ANKRD11: variants seen among roughly 807,000 people sequenced by gnomAD.
The protein encoded by ANKRD11 is ankyrin repeat domain 11, also known as ankyrin repeat domain-containing protein 11.
ANKRD11 carries 17 observed loss-of-function variants against 195.7 expected under a neutral mutation model. That is an observed-to-expected ratio of 0.09 (90% confidence interval 0.06 to 0.13). The LOEUF (loss-of-function observed/expected upper bound fraction) is 0.13. Among genes scored for constraint, ANKRD11 ranks in the 10% least tolerant of loss-of-function variants. ANKRD11 has a pLI of 1.00. For missense variants in ANKRD11, 3,735 were observed against 3,566.1 expected (o/e 1.05, Z -1.21); for synonymous variants, 1,953 against 1,528.1 (o/e 1.28, Z -6.49).
intron 1 of ANKRD11, chr16:89,443,488 G>C (rs1039649532): frequency 2.0e-5 from 3 of 152,084 alleles, no homozygotes; most frequent in Admixed American, 2.0e-4. Context: ...GTCAGTAAGA[G>C]ACAAGAGATA....
rs1362831496 is a variant in ANKRD11 at position 89,282,984 on chromosome 16, C to G, written c.3558G>C (p.Lys1186Asn). 8.7e-6 allele frequency: 14 copies of G among 1,613,696 alleles called. No homozygotes were observed. The highest frequency in any genetic ancestry group is 1.2e-5 in the Non-Finnish European group (14 of 1,180,032). ...QKDKEPRDRRKDRGAADAGRD... is the reference protein window; with the variant it reads ...QKDKEPRDRRNDRGAADAGRD... The stretch of plus-strand genomic sequence containing the variant: ...TCCCCGCGTCGGCAGCCCCTCGGTC[C>G]TTTCTCCTGTCTCTGGGCTCCTTGT... Residue 1186 changes from lysine (K) to asparagine (N), a missense_variant, in exon 9 of 13, where the codon AAG (lysine) becomes AAC (asparagine). Transcript: ENST00000301030.
At chr16:89,297,396 G>A (rs2035509759) in intron 4 of ANKRD11, 1 of 152,200 alleles carries the variant, frequency 6.6e-6, no homozygotes, top group African/African-American at 2.4e-5. Context: ...GAACTGATGG[G>A]CAGGGCCGGG....
At chr16:89,370,057 G>A (rs1327549133) in intron 2 of ANKRD11, among the ~76,000 whole-genome samples, 1 of 152,212 alleles carries the variant, frequency 6.6e-6, no homozygotes, top group Non-Finnish European at 1.5e-5. Context: ...CAAACCTTCT[G>A]GCTTCAGAGC....
chr16:89,340,465 G>C (rs1366431941), intron 2 of ANKRD11, among the ~76,000 whole-genome samples: 1 of 152,130 alleles, frequency 6.6e-6, no homozygotes, highest in Non-Finnish European at 1.5e-5. Flanking sequence ...AGTAGAGATG[G>C]GGTTTCACAA....
At chr16:89,446,827 T>A (rs1476935137) in intron 1 of ANKRD11, among the ~76,000 whole-genome samples, 2 of 151,978 alleles carry the variant, frequency 1.3e-5, no homozygotes, top group African/African-American at 2.4e-5. Flanking sequence ...TCCGCTTCTC[T>A]CCTCCTCCAC....
intron 2 of ANKRD11, among the ~76,000 whole-genome samples, chr16:89,390,690 C>T (rs943572156): frequency 2.0e-4 from 31 of 152,064 alleles, no homozygotes; most frequent in Non-Finnish European, 3.5e-4. Context: ...CTCGGGGAAA[C>T]AGTGAGCACA....
intron 2 of ANKRD11, among the ~76,000 whole-genome samples, chr16:89,332,957 G>T (rs2038143511): frequency 6.6e-6 from 1 of 152,232 alleles, no homozygotes; most frequent in South Asian, 2.1e-4. Context: ...CAACAGAACA[G>T]CGGGGCTGCT....
chr16:89,274,597 T>C (rs2033478058), intron 11 of ANKRD11: 1 of 666,888 alleles, frequency 1.5e-6, no homozygotes, highest in Admixed American at 2.5e-5. Context: ...CTGAGGGCCT[T>C]GCCCGTGCGG....
chr16:89,450,862 A>G (rs1011466762), intron 1 of ANKRD11, among the ~76,000 whole-genome samples: 4 of 152,192 alleles, frequency 2.6e-5, no homozygotes, highest in Non-Finnish European at 4.4e-5. Context: ...TATGCCTTCC[A>G]TCAGCCATGA....
intron 2 of ANKRD11, among the ~76,000 whole-genome samples, chr16:89,403,197 G>A (rs922923561): frequency 6.6e-6 from 1 of 152,146 alleles, no homozygotes; most frequent in Non-Finnish European, 1.5e-5. Context: ...CACTCCCTAG[G>A]GCCTGATCCG....
chr16:89,341,388 C>T (rs1252234423), intron 2 of ANKRD11, among the ~76,000 whole-genome samples: 25 of 152,210 alleles, frequency 1.6e-4, no homozygotes, highest in Admixed American at 1.6e-3. Context: ...CAGATTCTCA[C>T]AGGTTGGAGG....
intron 2 of ANKRD11, among the ~76,000 whole-genome samples, chr16:89,391,854 C>G (rs183347177): frequency 1.0e-3 from 154 of 152,348 alleles, no homozygotes; most frequent in African/African-American, 3.6e-3. Context: ...TATCTGCTAG[C>G]CTTAATAAAG....
At chr16:89,338,858 G>T (rs2038514440) in intron 2 of ANKRD11, among the ~76,000 whole-genome samples, 2 of 151,800 alleles carry the variant, frequency 1.3e-5, no homozygotes. Context: ...TTAGCTAAAA[G>T]GTTTGCCAAA....
At chr16:89,422,728 G>A (rs536757672) in intron 1 of ANKRD11, among the ~76,000 whole-genome samples, 3 of 152,234 alleles carry the variant, frequency 2.0e-5, no homozygotes, top group East Asian at 3.9e-4. Context: ...CAGACCTGAT[G>A]CTTATTTTTG....
intron 2 of ANKRD11, chr16:89,324,000 C>T: frequency 4.4e-6 from 1 of 226,282 alleles, no homozygotes; most frequent in Non-Finnish European, 8.9e-6. Context: ...CAAACCAAAC[C>T]CCCAGTGTGC....
chr16:89,281,331 G>A lies in ANKRD11; in HGVS notation c.5211C>T (p.Phe1737=), dbSNP rs373155396. 4.3e-4 allele frequency: 695 copies of A among 1,613,552 alleles called. 2 individuals carry two copies. The highest frequency in any genetic ancestry group is 5.4e-4 in the Non-Finnish European group (642 of 1,179,680). ...CSADDYADLV[F]DCADSQHSTP... The stretch of plus-strand genomic sequence containing the variant: ...TGGAGTGCTGCGAGTCGGCGCAGTC[G>A]AACACGAGGTCCGCGTAGTCATCGG... The change falls in exon 9 of 13, where the codon TTC becomes TTT. Residue 1737 remains phenylalanine (F), a synonymous_variant. Coordinates refer to ENST00000301030, the MANE Select transcript of ANKRD11 (RefSeq NM_013275.6). The surrounding 1 kb of genome is among the most constrained non-coding windows in gnomAD (Gnocchi z 5.5).
At chr16:89,324,135 C>G in intron 2 of ANKRD11, 1 of 892,632 alleles carries the variant, frequency 1.1e-6, no homozygotes, top group East Asian at 6.9e-5. Context: ...ACAACGCTCT[C>G]TACTGCAGCC....
At chr16:89,435,524 C>CT (rs1372327915) in intron 1 of ANKRD11, among the ~76,000 whole-genome samples, 8 of 152,060 alleles carry the variant, frequency 5.3e-5, no homozygotes, top group Admixed American at 2.6e-4. Flanking sequence ...TCAGCGAGAC[C>CT]ACGAACCCAC....
chr16:89,275,694 A>G (rs1377526541), intron 9 of ANKRD11, among the ~76,000 whole-genome samples: 4 of 152,110 alleles, frequency 2.6e-5, no homozygotes, highest in Admixed American at 6.5e-5. Flanking sequence ...GGAAGCACGC[A>G]CTGGCCCAGG....
Sources: allele counts gnomAD v4.1 joint callset (sites outside exome capture counted in the v4.1 genomes callset), GRCh38; gene constraint gnomAD v4.1.1; non-coding constraint Gnocchi (gnomAD v3.1); transcripts MANE v1.5; gene names NCBI Gene and HGNC (gene_info 2026-07-23, HGNC 2026-07-21).